The following ARHGAP15 variants were observed in gnomAD, a reference collection of about 807,000 sequenced individuals.
ARHGAP15 encodes the protein Rho GTPase activating protein 15.
ARHGAP15 carries 51 observed loss-of-function variants against 63.7 expected under a neutral mutation model. That is an observed-to-expected ratio of 0.80 (90% confidence interval 0.64 to 1.01). ARHGAP15 has a LOEUF of 1.01. Among genes scored for constraint, ARHGAP15 ranks in the 50% least tolerant of loss-of-function variants. The pLI is 0.00. For missense variants in ARHGAP15, 560 were observed against 564.6 expected, an observed-to-expected ratio of 0.99 and a Z score of 0.08; for synonymous variants, 191 against 193.8, an observed-to-expected ratio of 0.99 and a Z score of 0.12.
intron 6 of ARHGAP15, among the ~76,000 whole-genome samples, chr2:143,334,111 T>G (rs1684667576): frequency 6.6e-6 from 1 of 152,194 alleles, no homozygotes; most frequent in Non-Finnish European, 1.5e-5. Context: ...TAGTTGAAGC[T>G]TCCCCTTGTA....
At chr2:143,431,203 C>T (rs1478503418) in intron 6 of ARHGAP15, among the ~76,000 whole-genome samples, 3 of 151,976 alleles carry the variant, frequency 2.0e-5, no homozygotes, top group Non-Finnish European at 2.9e-5. Flanking sequence ...CAAATTATCA[C>T]GGCCCTTTTC....
intron 5 of ARHGAP15, among the ~76,000 whole-genome samples, chr2:143,249,727 A>C (rs928418044): frequency 3.3e-5 from 5 of 152,152 alleles, no homozygotes; most frequent in Non-Finnish European, 7.4e-5. Flanking sequence ...ATATGAAAAG[A>C]CAAATGTGGG....
chr2:143,359,647 G>C (rs560733755), intron 6 of ARHGAP15, among the ~76,000 whole-genome samples: 1 of 152,240 alleles, frequency 6.6e-6, no homozygotes, highest in South Asian at 2.1e-4. Context: ...GCCTTGATAG[G>C]AGATATGTGC....
intron 2 of ARHGAP15, among the ~76,000 whole-genome samples, chr2:143,195,919 C>A (rs998706544): frequency 6.6e-6 from 1 of 152,022 alleles, no homozygotes; most frequent in Non-Finnish European, 1.5e-5. Flanking sequence ...GTTATTTTTA[C>A]AGTATGTAAT....
chr2:143,385,205 C>T (rs1687225701), intron 6 of ARHGAP15, among the ~76,000 whole-genome samples: 1 of 152,052 alleles, frequency 6.6e-6, no homozygotes, highest in Non-Finnish European at 1.5e-5. Flanking sequence ...GATCTAGGAC[C>T]ACTTTTGAGT....
At chr2:143,457,356 TAGTA>T (rs1409747847) in intron 8 of ARHGAP15, among the ~76,000 whole-genome samples, 1 of 151,836 alleles carries the variant, frequency 6.6e-6, no homozygotes, top group Non-Finnish European at 1.5e-5. Context: ...CTAGCCAACA[TAGTA>T]AGACCCAGTC....
chr2:143,757,795 C>T (rs141462316), intron 13 of ARHGAP15, among the ~76,000 whole-genome samples: 2,030 of 151,962 alleles, frequency 0.013, 47 homozygotes, highest in African/African-American at 0.047. Flanking sequence ...AAAAACAAGA[C>T]TTTGATAATA....
intron 11 of ARHGAP15, among the ~76,000 whole-genome samples, chr2:143,573,541 G>T (rs374758415): frequency 1.3e-5 from 2 of 152,110 alleles, no homozygotes; most frequent in Non-Finnish European, 2.9e-5. Context: ...TTGCAGAAGC[G>T]CCATTACTGT....
At chr2:143,668,930 G>A (rs1382588472) in intron 12 of ARHGAP15, among the ~76,000 whole-genome samples, 2 of 152,110 alleles carry the variant, frequency 1.3e-5, no homozygotes, top group Non-Finnish European at 2.9e-5. Flanking sequence ...TCATTTAGAG[G>A]TAAAATATAA....
chr2:143,144,642 C>T (rs1206309581), intron 1 of ARHGAP15, among the ~76,000 whole-genome samples: 1 of 151,970 alleles, frequency 6.6e-6, no homozygotes, highest in African/African-American at 2.4e-5. Context: ...AGAATATTTA[C>T]AGCATCATTT....
intron 8 of ARHGAP15, among the ~76,000 whole-genome samples, chr2:143,469,423 C>T (rs1050810018): frequency 6.6e-6 from 1 of 152,222 alleles, no homozygotes; most frequent in Non-Finnish European, 1.5e-5. Flanking sequence ...TCTTCTTATA[C>T]ACCCCTGCCC....
intron 12 of ARHGAP15, among the ~76,000 whole-genome samples, chr2:143,628,165 T>C (rs1266837272): frequency 6.6e-6 from 1 of 152,166 alleles, no homozygotes; most frequent in African/African-American, 2.4e-5. Flanking sequence ...GATTTCATTC[T>C]TTTTTATGGC....
chr2:143,487,305 G>T, intron 8 of ARHGAP15, 68 bp from the exon 9 acceptor site: 2 of 1,532,526 alleles, frequency 1.3e-6, no homozygotes, highest in South Asian at 1.3e-5. Flanking sequence ...TTTCTATTCA[G>T]ATTTGCATAA....
At chr2:143,442,516 C>A (rs773255791) in intron 8 of ARHGAP15, among the ~76,000 whole-genome samples, 2 of 152,024 alleles carry the variant, frequency 1.3e-5, no homozygotes, top group Non-Finnish European at 2.9e-5. Context: ...CTGAAAGTCC[C>A]CAGTAGTGGC....
chr2:143,713,494 C>T (rs1160463672), intron 13 of ARHGAP15, among the ~76,000 whole-genome samples: 1 of 152,148 alleles, frequency 6.6e-6, no homozygotes, highest in Non-Finnish European at 1.5e-5. Flanking sequence ...CTCATGTCCT[C>T]ATATATCAAA....
chr2:143,473,626 G>T (rs181621869), intron 8 of ARHGAP15, among the ~76,000 whole-genome samples: 3 of 152,150 alleles, frequency 2.0e-5, no homozygotes, highest in Non-Finnish European at 4.4e-5. Context: ...TACATCTGTT[G>T]TGTTATTTAA....
At chr2:143,470,532 A>G (rs1178235468) in intron 8 of ARHGAP15, among the ~76,000 whole-genome samples, 5 of 150,568 alleles carry the variant, frequency 3.3e-5, no homozygotes, top group Non-Finnish European at 7.4e-5. Flanking sequence ...TGTTTTATAT[A>G]TATATATATA....
At chr2:143,346,004 T>G (rs1685257150) in intron 6 of ARHGAP15, among the ~76,000 whole-genome samples, 1 of 152,010 alleles carries the variant, frequency 6.6e-6, no homozygotes, top group Admixed American at 6.6e-5. Context: ...CTTGTGCATA[T>G]TTTTTTGAGT....
At chr2:143,501,666 C>T (rs530288437) in intron 9 of ARHGAP15, among the ~76,000 whole-genome samples, 10 of 152,164 alleles carry the variant, frequency 6.6e-5, no homozygotes, top group East Asian at 3.9e-4. Flanking sequence ...ATTTGTAGTA[C>T]GAGTAAATAA....
Sources: gnomAD v4.1 joint callset for allele counts (sites outside exome capture counted in the v4.1 genomes callset) on GRCh38, gnomAD v4.1.1 for gene constraint, MANE v1.5 for transcripts, NCBI Gene and HGNC (gene_info 2026-07-23, HGNC 2026-07-21) for gene names.